The following GUCY2C variants were observed in gnomAD, a reference collection of about 807,000 sequenced individuals.
The protein encoded by GUCY2C is guanylyl cyclase C.
Under a neutral mutation model 131.1 loss-of-function variants are expected in GUCY2C, and 118 were observed. The observed-to-expected ratio is 0.90, with a 90% CI of 0.78 to 1.05. GUCY2C has a LOEUF of 1.05. GUCY2C is among the 50% of genes least tolerant of loss of function. The pLI, the probability that GUCY2C is intolerant of heterozygous loss-of-function variation, is 0.00. For synonymous variants in GUCY2C, 452 were observed against 457.8 expected, an observed-to-expected ratio of 0.99 and a Z score of 0.16; for missense variants, 1,161 against 1,304.4, an observed-to-expected ratio of 0.89 and a Z score of 1.69.
intron 11 of GUCY2C, among the ~76,000 whole-genome samples, chr12:14,658,009 AAC>A (rs1947795766): frequency 2.6e-5 from 4 of 152,290 alleles, no homozygotes; most frequent in East Asian, 1.9e-4. Flanking sequence ...ATGAAGGTGA[AAC>A]AGTGTTTCAT....
intron 7 of GUCY2C, among the ~76,000 whole-genome samples, chr12:14,676,288 T>C (rs554777609): frequency 6.6e-6 from 1 of 152,344 alleles, no homozygotes; most frequent in African/African-American, 2.4e-5. Flanking sequence ...GGAGGCTCTT[T>C]TTCCTGCACA....
chr12:14,678,537 A>T (rs1480510631), intron 6 of GUCY2C, among the ~76,000 whole-genome samples: 4 of 152,154 alleles, frequency 2.6e-5, no homozygotes, highest in African/African-American at 9.7e-5. Context: ...TCTTTCCTGT[A>T]CTTCTGTAGT....
intron 21 of GUCY2C, among the ~76,000 whole-genome samples, chr12:14,624,173 G>T (rs1376033234): frequency 6.6e-6 from 1 of 152,158 alleles, no homozygotes; most frequent in African/African-American, 2.4e-5. Context: ...AGGCACAGTG[G>T]CTCACACCTG....
intron 21 of GUCY2C, among the ~76,000 whole-genome samples, chr12:14,624,223 C>T (rs202123296): frequency 6.6e-6 from 1 of 152,048 alleles, no homozygotes; most frequent in South Asian, 2.1e-4. Flanking sequence ...GGTGAATCAC[C>T]TGAGGTCAGG....
At chr12:14,665,218 GAA>G (rs550017739) in intron 10 of GUCY2C, among the ~76,000 whole-genome samples, 18 of 85,440 alleles carry the variant, frequency 2.1e-4, no homozygotes, top group African/African-American at 4.4e-4. Context: ...TCCGTCTCAG[GAA>G]AAAAAAAAAA....
chr12:14,674,718 G>A lies in GUCY2C; in HGVS notation c.991C>T (p.Leu331Phe), dbSNP rs1948190942. The A allele has an allele frequency of 6.2e-7, 1 of 1,611,308 alleles. No individual in the cohort carries two copies. ...AATATCTTCAGCATATGTCCAAAGAGCAGGATTCCATTCAAATAGGCAAGA... is the reference window on the plus strand; with the variant it reads ...AATATCTTCAGCATATGTCCAAAGAACAGGATTCCATTCAAATAGGCAAGA... ...FALAYLNGIL[L>F]FGHMLKIFLE... Residue 331 changes from leucine (L) to phenylalanine (F), a missense_variant, in exon 8 of 27, where the codon CTC (leucine) becomes TTC (phenylalanine). Transcript: ENST00000261170.
chr12:14,695,518 G>A (rs977519831), intron 1 of GUCY2C, among the ~76,000 whole-genome samples: 14 of 149,892 alleles, frequency 9.3e-5, no homozygotes, highest in East Asian at 5.9e-4. Context: ...GGAGAATGGC[G>A]TGAACCTGGG....
intron 8 of GUCY2C, 194 bp downstream of exon 8, chr12:14,674,431 C>T (rs1948182110): frequency 3.1e-6 from 2 of 650,874 alleles, no homozygotes; most frequent in Non-Finnish European, 5.5e-6. Context: ...TTCTAAAAGA[C>T]TGAAACATAA....
At chr12:14,647,033 A>G (rs1233919215) in intron 15 of GUCY2C, among the ~76,000 whole-genome samples, 1 of 152,240 alleles carries the variant, frequency 6.6e-6, no homozygotes, top group Non-Finnish European at 1.5e-5. Flanking sequence ...AGCTGAGATC[A>G]AATGAAGGGA....
chr12:14,693,354 T>G (rs1000768539), intron 1 of GUCY2C, among the ~76,000 whole-genome samples: 2 of 152,146 alleles, frequency 1.3e-5, no homozygotes, highest in African/African-American at 4.8e-5. Context: ...TGATTAGCCT[T>G]GGAACCATAC....
At chr12:14,689,763 T>G (rs369738176) in intron 1 of GUCY2C, among the ~76,000 whole-genome samples, 3 of 152,194 alleles carry the variant, frequency 2.0e-5, no homozygotes, top group African/African-American at 7.2e-5. Context: ...AATTTATCAA[T>G]GGGTATGATT....
chr12:14,691,406 T>C (rs1948572698), intron 1 of GUCY2C, among the ~76,000 whole-genome samples: 1 of 151,934 alleles, frequency 6.6e-6, no homozygotes, highest in South Asian at 2.1e-4. Context: ...TTCATGACAA[T>C]AGAAAGGATA....
chr12:14,625,351 G>A (rs111594080), intron 21 of GUCY2C, among the ~76,000 whole-genome samples: 7 of 145,778 alleles, frequency 4.8e-5, no homozygotes, highest in African/African-American at 1.8e-4. Flanking sequence ...TTTTTGAGAC[G>A]GAGTCTTGCT....
chr12:14,693,660 A>G (rs1948611798), intron 1 of GUCY2C, among the ~76,000 whole-genome samples: 1 of 152,232 alleles, frequency 6.6e-6, no homozygotes, highest in Non-Finnish European at 1.5e-5. Flanking sequence ...ATGCATATTC[A>G]TCCAACAAAA....
intron 15 of GUCY2C, among the ~76,000 whole-genome samples, chr12:14,648,242 G>A (rs1947566034): frequency 6.7e-6 from 1 of 150,186 alleles, no homozygotes; most frequent in Non-Finnish European, 1.5e-5. Context: ...TTACAGGCAT[G>A]AGCCACCGCA....
chr12:14,633,168 C>T (rs894402565), intron 19 of GUCY2C, among the ~76,000 whole-genome samples: 1 of 152,130 alleles, frequency 6.6e-6, no homozygotes, highest in African/African-American at 2.4e-5. Context: ...GTCCTGGGGC[C>T]CAAGGACAGC....
Position 14,648,680 on chromosome 12 carries a change from C to G in GUCY2C, c.1710+2727G>C, listed in dbSNP as rs113879715. ...GCATATGTATTCCCATTACAATGTT[C>G]TTTTCCGAATAAATATCTTTCTTTC... On this transcript the variant is annotated intron_variant, in intron 15 of 26. Transcript: ENST00000261170. Among the ~76,000 whole-genome samples, 1,255 of 152,248 alleles carry G rather than the reference C, an allele frequency of 8.2e-3. 8 individuals are homozygous for G. The highest frequency in any genetic ancestry group is 0.014 in the Middle Eastern group (4 of 294).
intron 14 of GUCY2C, 104 bp downstream of exon 14, chr12:14,651,855 G>T: frequency 4.6e-6 from 3 of 655,612 alleles, no homozygotes; most frequent in Admixed American, 2.7e-5. Context: ...CCATTTCTTG[G>T]CCTGAGGGCT....
At chr12:14,656,836 CG>C (rs1947772261) in intron 11 of GUCY2C, among the ~76,000 whole-genome samples, 1 of 152,138 alleles carries the variant, frequency 6.6e-6, no homozygotes, top group African/African-American at 2.4e-5. Context: ...TGGCCCTCAA[CG>C]TTTTTGACAC....
Sources: gnomAD v4.1 joint callset for allele counts (sites outside exome capture counted in the v4.1 genomes callset) on GRCh38, gnomAD v4.1.1 for gene constraint, MANE v1.5 for transcripts, NCBI Gene and HGNC (gene_info 2026-07-23, HGNC 2026-07-21) for gene names.